Variants in RNGTT observed in about 807,000 individuals in gnomAD.
RNGTT encodes RNA guanylyltransferase and 5'-phosphatase.
Under a neutral mutation model 79.3 loss-of-function variants are expected in RNGTT, and 33 were observed. The ratio of observed to expected loss-of-function variants is 0.42; its 90% CI spans 0.32 to 0.56. The LOEUF (loss-of-function observed/expected upper bound fraction) is 0.56, where lower values mean the gene tolerates loss of function less well. RNGTT is among the 20% of genes least tolerant of loss of function. The pLI is 0.17. For synonymous variants in RNGTT, 222 were observed against 235.9 expected (o/e 0.94, Z 0.54); for missense variants, 497 against 739.1 (o/e 0.67, Z 3.80).
chr6:88,819,718 T>C (rs1456949886), intron 11 of RNGTT, among the ~76,000 whole-genome samples: 1 of 152,024 alleles, frequency 6.6e-6, no homozygotes, highest in South Asian at 2.1e-4. Flanking sequence ...TATTTTCAAC[T>C]CTACTGACAT....
intron 10 of RNGTT, among the ~76,000 whole-genome samples, chr6:88,847,068 C>T (rs1354563880): frequency 6.6e-6 from 1 of 151,902 alleles, no homozygotes; most frequent in Non-Finnish European, 1.5e-5. Flanking sequence ...TTAAAAAATG[C>T]CTGTTTTTTA....
intron 13 of RNGTT, among the ~76,000 whole-genome samples, chr6:88,742,926 G>A (rs140065310): frequency 5.3e-5 from 8 of 152,224 alleles, no homozygotes; most frequent in South Asian, 2.1e-4. Flanking sequence ...AGTTTAAGAC[G>A]TCACCTTTCA....
chr6:88,720,741 T>A (rs777735608), intron 13 of RNGTT, among the ~76,000 whole-genome samples: 6 of 152,054 alleles, frequency 3.9e-5, no homozygotes, highest in Non-Finnish European at 7.4e-5. Context: ...CTACCACTTA[T>A]GCAAATACAA....
chr6:88,883,424 C>A (rs1229467801), intron 8 of RNGTT, among the ~76,000 whole-genome samples: 1 of 152,092 alleles, frequency 6.6e-6, no homozygotes, highest in Non-Finnish European at 1.5e-5. Flanking sequence ...CTGAATAGTA[C>A]ATTTAAAATA....
chr6:88,899,265 T>C (rs1783364129), intron 6 of RNGTT, among the ~76,000 whole-genome samples: 1 of 151,640 alleles, frequency 6.6e-6, no homozygotes, highest in African/African-American at 2.4e-5. Flanking sequence ...AAAGAAGGTT[T>C]CGGCTTTTTT....
At chr6:88,775,785 T>C (rs1466247341) in intron 12 of RNGTT, among the ~76,000 whole-genome samples, 1 of 152,202 alleles carries the variant, frequency 6.6e-6, no homozygotes, top group Admixed American at 6.5e-5. Context: ...GTAAGTGAAA[T>C]CACACACCAT....
intron 13 of RNGTT, among the ~76,000 whole-genome samples, chr6:88,700,464 C>T (rs990194059): frequency 9.9e-5 from 15 of 152,074 alleles, no homozygotes; most frequent in South Asian, 2.1e-4. Flanking sequence ...GTCCCACCTG[C>T]GACATTCTTT....
intron 11 of RNGTT, among the ~76,000 whole-genome samples, chr6:88,821,197 C>T (rs963767584): frequency 3.9e-5 from 6 of 151,924 alleles, no homozygotes; most frequent in African/African-American, 7.2e-5. Context: ...AGCAATGAAA[C>T]GAAAATAGTC....
intron 1 of RNGTT, among the ~76,000 whole-genome samples, chr6:88,948,147 GC>G: frequency 3.7e-5 from 1 of 26,668 alleles, no homozygotes; most frequent in Non-Finnish European, 7.1e-5. Context: ...GAGCCCCTCT[GC>G]CCGGCCAGCC....
chr6:88,894,598 A>C (rs1156783871), intron 6 of RNGTT, among the ~76,000 whole-genome samples: 1 of 152,218 alleles, frequency 6.6e-6, no homozygotes, highest in Non-Finnish European at 1.5e-5. Flanking sequence ...CCGCATGTAC[A>C]CACAGACCAG....
At chr6:88,895,525 GAATT>G (rs1279401650) in intron 6 of RNGTT, among the ~76,000 whole-genome samples, 4 of 152,130 alleles carry the variant, frequency 2.6e-5, no homozygotes, top group East Asian at 3.9e-4. Context: ...AGAACTATCA[GAATT>G]AATTACAAGG....
chr6:88,893,461 A>T (rs573609011), intron 6 of RNGTT, among the ~76,000 whole-genome samples: 5 of 152,286 alleles, frequency 3.3e-5, no homozygotes, highest in Admixed American at 6.5e-5. Flanking sequence ...TAAAAACACA[A>T]ACACTATTTA....
intron 8 of RNGTT, among the ~76,000 whole-genome samples, chr6:88,870,499 C>T (rs901415846): frequency 2.1e-5 from 3 of 144,354 alleles, no homozygotes; most frequent in African/African-American, 7.7e-5. Flanking sequence ...TTGCTCCCAA[C>T]ACAATTAAGA....
At chr6:88,709,301 T>A (rs1776243393) in intron 13 of RNGTT, among the ~76,000 whole-genome samples, 1 of 130,782 alleles carries the variant, frequency 7.6e-6, no homozygotes, top group Admixed American at 7.5e-5. Flanking sequence ...TGAGACTCAG[T>A]CTTCAAAAAA....
intron 12 of RNGTT, among the ~76,000 whole-genome samples, chr6:88,778,765 A>G (rs893226015): frequency 2.6e-5 from 4 of 152,238 alleles, no homozygotes; most frequent in African/African-American, 4.8e-5. Flanking sequence ...AAGTTTTGCT[A>G]AGAAAGAAAA....
intron 14 of RNGTT, among the ~76,000 whole-genome samples, chr6:88,662,882 C>T (rs1246247409): frequency 6.6e-6 from 1 of 152,190 alleles, no homozygotes; most frequent in Non-Finnish European, 1.5e-5. Context: ...TGGAACTGGC[C>T]CACTCCATCT....
At chr6:88,663,739 C>T (rs1774277494) in intron 14 of RNGTT, among the ~76,000 whole-genome samples, 1 of 152,114 alleles carries the variant, frequency 6.6e-6, no homozygotes, top group Non-Finnish European at 1.5e-5. Context: ...GGGAGAAACC[C>T]CTCCCTTGGC....
intron 6 of RNGTT, among the ~76,000 whole-genome samples, chr6:88,900,794 A>T (rs1393240253): frequency 4.6e-5 from 7 of 151,312 alleles, no homozygotes; most frequent in Non-Finnish European, 7.4e-5. Flanking sequence ...CTAAAAAAAT[A>T]AACAAAAAGA....
chr6:88,729,549 G>A (rs1777039313), intron 13 of RNGTT, among the ~76,000 whole-genome samples: 1 of 151,970 alleles, frequency 6.6e-6, no homozygotes, highest in South Asian at 2.1e-4. Flanking sequence ...ATCTTGGTGG[G>A]TGACAATTAA....
Sources: gnomAD v4.1 joint callset for allele counts (sites outside exome capture counted in the v4.1 genomes callset) on GRCh38, gnomAD v4.1.1 for gene constraint, MANE v1.5 for transcripts, NCBI Gene and HGNC (gene_info 2026-07-23, HGNC 2026-07-21) for gene names.